AGRN: variants seen among roughly 807,000 people sequenced by gnomAD.
AGRN encodes the protein agrin proteoglycan.
A neutral mutation model predicts 211.0 loss-of-function variants in AGRN; 106 were observed. The ratio of observed to expected loss-of-function variants is 0.50; its 90% CI spans 0.43 to 0.59. The LOEUF (loss-of-function observed/expected upper bound fraction) is 0.59. AGRN is among the 20% of genes least tolerant of loss of function. AGRN has a pLI of 0.00. For synonymous variants in AGRN, 1,525 were observed against 1,332.5 expected (o/e 1.14, Z -3.15); for missense variants, 3,040 against 2,982.6 (o/e 1.02, Z -0.45).
rs530621259 is a variant in AGRN, at chr1:1,051,521, T to C, written c.5439T>C (p.Phe1813=). 3 of 1,569,216 alleles carry C rather than the reference T, an allele frequency of 1.9e-6. No homozygotes were observed. The highest frequency in any genetic ancestry group is 2.3e-5 in the East Asian group (1 of 43,414). ...HVLRQVDVTS[F]AGHPCTRASG... ...TGCGGCAGGTGGACGTCACGTCCTT[T>C]GCAGGTCACCCCTGCACCCGGGCCT... The change falls in exon 32 of 36, where the codon TTT becomes TTC. Residue 1813 remains phenylalanine (F), a synonymous_variant. Transcript: ENST00000379370.
Position 1,041,587 on chromosome 1 carries a change from G to A in AGRN, c.1062G>A (p.Ala354=), listed in dbSNP as rs765349974. 10 of 1,610,826 alleles carry A rather than the reference G, an allele frequency of 6.2e-6. No individual in the cohort carries two copies. The East Asian group carries it at 8.9e-5, about 14-fold the overall frequency. ...LRPESCPARQ[A]PVCGDDGVTY... is the part of the protein sequence containing the mutation. ...CCGAGAGCTGCCCTGCCCGGCAGGC[G>A]CCAGTGTGTGGGGACGACGGAGTCA... is the stretch of plus-strand genomic sequence containing the variant. Residue 354 remains alanine (A), a synonymous_variant, in exon 6 of 36, where the codon GCG becomes GCA. Transcript: ENST00000379370.
At position 1,055,053 on chromosome 1, in the gene AGRN, T is replaced by C; in HGVS notation, c.*72T>C. 6.5e-7 allele frequency: 1 copy of C among 1,534,966 alleles called. No individual in the cohort carries two copies. Among genetic ancestry groups the C allele is most frequent in the Non-Finnish European group, 8.7e-7 (1 of 1,144,602 alleles). On this transcript the variant is annotated 3_prime_UTR_variant, in exon 36 of 36. Transcript: ENST00000379370. ...TAAACTTGTTGCTTTTTGATATGAT[T>C]TTCTTGCCTGAGTGTTGGCCGGAGG... is the stretch of plus-strand genomic sequence containing the variant.
At position 1,042,047 on chromosome 1, in the gene AGRN, G is replaced by A; in HGVS notation, c.1269G>A (p.Gly423=). Reference sequence around the variant, plus strand: ...CCTGCGACCGCGTCACCTGTGACGGGGCCTACAGGCCCGTGTGTGCCCAGG... The same window carrying A: ...CCTGCGACCGCGTCACCTGTGACGGAGCCTACAGGCCCGTGTGTGCCCAGG... ...RCSCDRVTCD[G]AYRPVCAQDG... is the part of the protein sequence containing the mutation. The change falls in exon 7 of 36, where the codon GGG becomes GGA. Residue 423 remains glycine, a synonymous_variant. Coordinates refer to ENST00000379370, the MANE Select transcript of AGRN (RefSeq NM_198576.4). The A allele has an allele frequency of 6.2e-7, 1 of 1,608,858 alleles. No individual in the cohort carries two copies. Among genetic ancestry groups the A allele is most frequent in the Non-Finnish European group, 8.5e-7 (1 of 1,179,536 alleles).
At chr1:1,035,193 T>C in intron 2 of AGRN, 84 bp from the exon 3 acceptor site, 2 of 1,280,478 alleles carry the variant, frequency 1.6e-6, no homozygotes, top group Non-Finnish European at 1.1e-6. Flanking sequence ...TGGGCAGGGG[T>C]GCCCCTTTCC....
chr1:1,055,466 A>G lies in AGRN; in HGVS notation c.*485A>G, dbSNP rs190399326. On this transcript the variant is annotated 3_prime_UTR_variant, in exon 36 of 36. Transcript: ENST00000379370. ...CCTGCGCCAATACTGTGACTTCCAA[A>G]CAATGTTACTGCTGGGCACAGCTCT... 3.7e-4 allele frequency: 100 copies of G among 273,946 alleles called. No homozygotes were observed. The highest frequency in any genetic ancestry group is 2.1e-3 in the African/African-American group (93 of 45,020). 17.0% of individuals were successfully genotyped at this position (273,946 alleles called of 1,614,324 possible).
rs144794590 is a variant in AGRN at position 1,045,797 on chromosome 1, G to A, written c.2601G>A (p.Ser867=). 308 of 1,613,204 alleles carry A rather than the reference G, an allele frequency of 1.9e-4. No homozygotes were observed. The highest frequency in any genetic ancestry group is 5.3e-4 in the African/African-American group (40 of 75,048). Residue 867 remains serine (S), a synonymous_variant, in exon 15 of 36, where the codon TCG becomes TCA. Transcript: ENST00000379370. ...GTGAGCAGATGACGGGGCTGTGCTC[G>A]TGTAAGCCCGGGGTGGCTGGACCCA... The part of the protein sequence containing the change: ...DDCEQMTGLC[S]CKPGVAGPKC...
chr1:1,049,794 C>A lies in AGRN; in HGVS notation c.4743C>A (p.Val1581=). 2 of 1,595,682 alleles carry A rather than the reference C, an allele frequency of 1.3e-6. No individual in the cohort carries two copies. Among genetic ancestry groups the A allele is most frequent in the Non-Finnish European group, 1.7e-6 (2 of 1,171,476 alleles). ...RFHCQCPPGR[V]GPTCADEKSP... ...ATTGCCAGTGCCCGCCCGGCCGCGT[C>A]GGTGAGGGTGGGGCCGGGGCGGGTG... is the stretch of plus-strand genomic sequence containing the variant. Residue 1581 remains valine (V), a splice_region_variant and synonymous_variant, in exon 26 of 36, where the codon GTC becomes GTA. Transcript: ENST00000379370.
At chr1:1,038,392 G>C (rs1284506887) in intron 3 of AGRN, among the ~76,000 whole-genome samples, 1 of 152,170 alleles carries the variant, frequency 6.6e-6, no homozygotes, top group Non-Finnish European at 1.5e-5. Flanking sequence ...TGTCCCTAAG[G>C]TACCTCTAGG....
At position 1,020,313 on chromosome 1, in the gene AGRN, C is replaced by T. The variant is rs1375036731; in HGVS notation, c.141C>T (p.Leu47=). The change falls in exon 1 of 36, where the codon CTC becomes CTT. Residue 47 remains leucine, a synonymous_variant. Coordinates refer to ENST00000379370, the MANE Select transcript of AGRN (RefSeq NM_198576.4). ...GCGAGGAGGAGGCGAACGTGGTGCT[C>T]ACCGGGACGGTGGAGGAGATCCTCA... The part of the protein sequence containing the change: ...ERREEEANVV[L]TGTVEEILNV... 8.7e-6 allele frequency: 13 copies of T among 1,489,760 alleles called. No homozygotes were observed. The highest frequency in any genetic ancestry group is 4.4e-5 in the African/African-American group (3 of 68,418). The allele number at this position is 1,489,760 out of a possible 1,614,324, so 92.3% of individuals were successfully genotyped here.
In AGRN at chr1:1,040,785, G is replaced by T; in HGVS notation, c.632G>T (p.Gly211Val). ...CCCAGCGTGGTGGCGCCTGTGTGTG[G>T]GTCGGACGCCTCCACCTACAGCAAC... ...PCPSVVAPVC[G>V]SDASTYSNEC... Residue 211 changes from glycine to valine, a missense_variant, in exon 4 of 36, where the codon GGG (glycine) becomes GTG (valine). Transcript: ENST00000379370. 1 of 1,539,964 alleles carries T rather than the reference G, an allele frequency of 6.5e-7. No individual in the cohort carries two copies. Among genetic ancestry groups the T allele is most frequent in the African/African-American group, 1.4e-5 (1 of 72,742 alleles).
intron 2 of AGRN, among the ~76,000 whole-genome samples, chr1:1,027,196 C>T (rs1644539774): frequency 6.6e-6 from 1 of 152,238 alleles, no homozygotes; most frequent in African/African-American, 2.4e-5. Flanking sequence ...GTCCTACAGG[C>T]AGCCGGCTGT....
At position 1,043,706 on chromosome 1, in the gene AGRN, T is replaced by G; in HGVS notation, c.1772T>G (p.Leu591Arg). ...HVHACTHQIS[L>R]HVASAGPCET... is the part of the protein sequence containing the mutation. ...CACGCCTGCACACACCAGATCAGCCTGCACGTGGCCTCAGCTGGACCCTGT... is the reference window on the plus strand; with the variant it reads ...CACGCCTGCACACACCAGATCAGCCGGCACGTGGCCTCAGCTGGACCCTGT... Residue 591 changes from leucine (L) to arginine (R), a missense_variant, in exon 9 of 36, where the codon CTG becomes CGG. Around this residue, in one of 3 missense-constraint regions of AGRN, gnomAD observed 1,498 missense variants for 1,457.8 expected, o/e 1.03. Coordinates refer to ENST00000379370, the MANE Select transcript of AGRN (RefSeq NM_198576.4). The G allele has an allele frequency of 6.2e-7, 1 of 1,600,798 alleles. No individual in the cohort carries two copies.
rs905796308 is a variant in AGRN at position 1,032,262 on chromosome 1, G to A, written c.464-3015G>A. Among the ~76,000 whole-genome samples, 4 of 152,290 alleles carry A rather than the reference G, an allele frequency of 2.6e-5. No homozygotes were observed. The highest frequency in any genetic ancestry group is 2.1e-4 in the South Asian group (1 of 4,828). ...CATTGGAACACCAGGTTCCAGGGCC[G>A]TAGAGATGTGGAGGCCTCCTGTCTG... is the stretch of plus-strand genomic sequence containing the variant. On this transcript the variant is annotated intron_variant, in intron 2 of 35. Transcript: ENST00000379370. This position sits in a 1 kb window ranked among gnomAD's most constrained non-coding sequence, Gnocchi z 4.7.
At chr1:1,029,397 A>G (rs1012011794) in intron 2 of AGRN, among the ~76,000 whole-genome samples, 4 of 117,582 alleles carry the variant, frequency 3.4e-5, no homozygotes, top group African/African-American at 1.3e-4. Context: ...ATCAGTGTCT[A>G]TGCAGGCAGG....
intron 33 of AGRN, chr1:1,052,545 ATGTG>A (rs1432292273): frequency 4.8e-6 from 1 of 210,248 alleles, no homozygotes; most frequent in Admixed American, 5.7e-5. Flanking sequence ...GGGTCCATGT[ATGTG>A]TGTGTATATG....
At chr1:1,041,039 G>A in intron 4 of AGRN, 134 bp from the exon 5 acceptor site, 1 of 579,576 alleles carries the variant, frequency 1.7e-6, no homozygotes, top group Non-Finnish European at 2.3e-6. Context: ...AGCGGGGCGG[G>A]AGCGGGGGCG....
intron 2 of AGRN, among the ~76,000 whole-genome samples, chr1:1,026,446 C>A (rs1009109301): frequency 6.6e-6 from 1 of 152,164 alleles, no homozygotes; most frequent in African/African-American, 2.4e-5. Flanking sequence ...GCCACAGGTC[C>A]GGCCAGAGGT....
chr1:1,050,925 G>A, intron 30 of AGRN, 88 bp downstream of exon 30: 2 of 1,534,950 alleles, frequency 1.3e-6, no homozygotes, highest in Non-Finnish European at 8.8e-7. Context: ...CGCTCACGGA[G>A]CTGTTTTTCT....
intron 29 of AGRN, 44 bp from the exon 30 acceptor site, chr1:1,050,682 G>T: frequency 1.2e-6 from 2 of 1,602,340 alleles, no homozygotes; most frequent in Non-Finnish European, 1.7e-6. Flanking sequence ...TGGTCGCGTG[G>T]CCGGTGGTGG....
Sources: gnomAD v4.1 joint callset for allele counts (sites outside exome capture counted in the v4.1 genomes callset) on GRCh38, gnomAD v4.1.1 for gene constraint, gnomAD v4.1.1 regional missense constraint, Gnocchi (gnomAD v3.1) non-coding constraint, MANE v1.5 for transcripts, NCBI Gene and HGNC (gene_info 2026-07-23, HGNC 2026-07-21) for gene names.